Variants in HSD17B12 observed in about 807,000 individuals in gnomAD.
The protein encoded by HSD17B12 is hydroxysteroid 17-beta dehydrogenase 12, also known as very-long-chain 3-oxoacyl-CoA reductase.
In HSD17B12, 32 loss-of-function variants were observed where a neutral mutation model predicts 39.3. The ratio of observed to expected loss-of-function variants is 0.81; its 90% CI spans 0.61 to 1.09. The LOEUF is 1.09. Among genes scored for constraint, HSD17B12 ranks in the 50% least tolerant of loss-of-function variants. The probability of loss-of-function intolerance (pLI) is 0.00; values close to 1 mark genes in which losing one functional copy is unlikely to be tolerated. For synonymous variants in HSD17B12, 150 were observed against 146.7 expected (o/e 1.02, Z -0.16); for missense variants, 342 against 382.9 (o/e 0.89, Z 0.89).
At chr11:43,626,306 T>C in the HSD17B12 span, among the ~76,000 whole-genome samples, 1 of 151,808 alleles carries the variant, frequency 6.6e-6, no homozygotes, top group African/African-American at 2.4e-5. Context: ...AAATTTGCTT[T>C]GAATGCCAAC....
the HSD17B12 span, among the ~76,000 whole-genome samples, chr11:43,613,880 T>G: frequency 6.6e-6 from 1 of 152,160 alleles, no homozygotes; most frequent in Non-Finnish European, 1.5e-5. Context: ...TTGGTCAGGC[T>G]GGCCTCAAAC....
intron 7 of HSD17B12, among the ~76,000 whole-genome samples, chr11:43,837,697 G>C (rs769329175): frequency 6.6e-6 from 1 of 152,120 alleles, no homozygotes; most frequent in Admixed American, 6.6e-5. Flanking sequence ...TGGTGCCCAA[G>C]TATCTACAAC....
At chr11:43,850,049 T>C (rs774639123) in intron 9 of HSD17B12, among the ~76,000 whole-genome samples, 2 of 151,958 alleles carry the variant, frequency 1.3e-5, no homozygotes, top group Non-Finnish European at 2.9e-5. Flanking sequence ...CTCCTTCATT[T>C]TGGATTTAGA....
chr11:43,708,976 C>G (rs1950040233), intron 1 of HSD17B12, among the ~76,000 whole-genome samples: 1 of 152,108 alleles, frequency 6.6e-6, no homozygotes, highest in Non-Finnish European at 1.5e-5. Context: ...CTAACTGTGC[C>G]CTCCAGTGGA....
intron 6 of HSD17B12, among the ~76,000 whole-genome samples, chr11:43,819,488 G>T (rs1284888136): frequency 6.6e-6 from 1 of 152,126 alleles, no homozygotes; most frequent in South Asian, 2.1e-4. Context: ...CCAAATAGGG[G>T]AAAGTATGGA....
chr11:43,707,337 G>A (rs1950025974), intron 1 of HSD17B12, among the ~76,000 whole-genome samples: 1 of 152,214 alleles, frequency 6.6e-6, no homozygotes, highest in Non-Finnish European at 1.5e-5. Flanking sequence ...AGGATAGAGA[G>A]GAAGTTTGTA....
At position 43,817,026 on chromosome 11, in the gene HSD17B12, ATCTATATCTATATC is replaced by A. The variant is rs1219356048; in HGVS notation, c.501+637_501+650del. ...TATCTATATCTATATCTATATCTATATCTATATCTATATCTATATATATATATATATATCTCGTG... is the reference window on the plus strand; with the variant it reads ...TATCTATATCTATATCTATATCTATATATATATATATATATATATCTCGTG... On this transcript the variant is annotated intron_variant, in intron 6 of 10. Coordinates refer to ENST00000278353, the MANE Select transcript of HSD17B12 (RefSeq NM_016142.3). Among the ~76,000 whole-genome samples the A allele has an allele frequency of 3.6e-3, 85 of 23,930 alleles. 1 individual carries two copies. In the East Asian group the frequency reaches 0.13, roughly 36 times the overall value. 15.7% of individuals were successfully genotyped at this position (23,930 alleles called of 152,430 possible). A position where few individuals can be genotyped will look rare whatever the true frequency, so the allele number is the denominator to read the frequency against.
chr11:43,577,110 T>A, the HSD17B12 span, among the ~76,000 whole-genome samples: 1 of 152,226 alleles, frequency 6.6e-6, no homozygotes, highest in Non-Finnish European at 1.5e-5. Context: ...GTCCGGGAAC[T>A]AAGGACGGCG....
At chr11:43,764,043 G>A (rs1565079439) in intron 3 of HSD17B12, among the ~76,000 whole-genome samples, 1 of 151,990 alleles carries the variant, frequency 6.6e-6, no homozygotes, top group African/African-American at 2.4e-5. Flanking sequence ...TCAAGCCTTG[G>A]CATTATATTT....
At chr11:43,821,713 T>A (rs981109115) in intron 6 of HSD17B12, among the ~76,000 whole-genome samples, 2 of 152,140 alleles carry the variant, frequency 1.3e-5, no homozygotes, top group African/African-American at 4.8e-5. Flanking sequence ...GGCAGACAAA[T>A]GTAGGTTTCA....
Position 43,831,024 on chromosome 11 carries a change from T to C in HSD17B12, c.536+14T>C. 1 of 1,605,850 alleles carries C rather than the reference T, an allele frequency of 6.2e-7. No homozygotes were observed. The highest frequency in any genetic ancestry group is 8.5e-7 in the Non-Finnish European group (1 of 1,175,476). On this transcript the variant is annotated intron_variant, in intron 7 of 10. Transcript: ENST00000278353. The surrounding 1 kb of genome is among the most constrained non-coding windows in gnomAD (Gnocchi z 4.1). ...CATGGTGGAAAGGTGAGTCACAAGC[T>C]CACATACAAACACTGTGGAAGCAGA... is the stretch of plus-strand genomic sequence containing the variant.
At chr11:43,703,875 T>C (rs1949989996) in intron 1 of HSD17B12, among the ~76,000 whole-genome samples, 1 of 152,228 alleles carries the variant, frequency 6.6e-6, no homozygotes, top group Non-Finnish European at 1.5e-5. Flanking sequence ...CATTGATCTT[T>C]TGTATTTTTT....
intron 3 of HSD17B12, among the ~76,000 whole-genome samples, chr11:43,777,202 G>A (rs1010055986): frequency 1.6e-4 from 24 of 151,978 alleles, no homozygotes; most frequent in Admixed American, 7.2e-4. Flanking sequence ...TGGGCAGTAT[G>A]GCCATTTTCA....
At chr11:43,620,115 C>T in the HSD17B12 span, among the ~76,000 whole-genome samples, 15 of 152,274 alleles carry the variant, frequency 9.9e-5, no homozygotes, top group African/African-American at 2.6e-4. Context: ...TCAGCAAATC[C>T]GGATCCTGGC....
At chr11:43,723,708 C>T (rs757753954) in intron 1 of HSD17B12, among the ~76,000 whole-genome samples, 1 of 152,138 alleles carries the variant, frequency 6.6e-6, no homozygotes, top group South Asian at 2.1e-4. Context: ...TTTGTGAAAC[C>T]TTGAGTCAAA....
At chr11:43,627,077 AT>A in the HSD17B12 span, among the ~76,000 whole-genome samples, 1 of 151,972 alleles carries the variant, frequency 6.6e-6, no homozygotes, top group African/African-American at 2.4e-5. Context: ...AGCCCTTTTC[AT>A]TTTTTAAAAT....
chr11:43,567,913 C>A, the HSD17B12 span, among the ~76,000 whole-genome samples: 10 of 152,164 alleles, frequency 6.6e-5, no homozygotes, highest in African/African-American at 2.4e-4. Context: ...CCTTAGTGAC[C>A]CTCATAATTC....
At chr11:43,694,668 A>T (rs1169465281) in intron 1 of HSD17B12, among the ~76,000 whole-genome samples, 1 of 152,138 alleles carries the variant, frequency 6.6e-6, no homozygotes, top group Non-Finnish European at 1.5e-5. Flanking sequence ...AGCCTGGGTA[A>T]CAGAGCATGA....
chr11:43,677,901 A>C (rs1406745935), upstream of HSD17B12, among the ~76,000 whole-genome samples: 1 of 152,204 alleles, frequency 6.6e-6, no homozygotes, highest in Non-Finnish European at 1.5e-5. Context: ...ATACGCGTGC[A>C]TGTGTCTTTA....
Sources: allele counts gnomAD v4.1 joint callset (sites outside exome capture counted in the v4.1 genomes callset), GRCh38; gene constraint gnomAD v4.1.1; non-coding constraint Gnocchi (gnomAD v3.1); transcripts MANE v1.5; gene names NCBI Gene and HGNC (gene_info 2026-07-23, HGNC 2026-07-21).